PDE4B: variants seen among roughly 807,000 people sequenced by gnomAD.
PDE4B encodes phosphodiesterase 4B.
A neutral mutation model predicts 82.2 loss-of-function variants in PDE4B; 20 were observed. The observed-to-expected ratio is 0.24, with a 90% confidence interval of 0.17 to 0.35. The LOEUF (loss-of-function observed/expected upper bound fraction) is 0.35. PDE4B is among the 10% of genes least tolerant of loss of function. The pLI is 1.00. For missense variants in PDE4B, 655 were observed against 907.2 expected (o/e 0.72, Z 3.57); for synonymous variants, 320 against 318.9 (o/e 1.00, Z -0.04).
chr1:66,061,900 G>A (rs750449567), intron 3 of PDE4B, among the ~76,000 whole-genome samples: 23 of 152,134 alleles, frequency 1.5e-4, no homozygotes, highest in Admixed American at 8.5e-4. Flanking sequence ...TTCTGCACAT[G>A]TATCCTAGAA....
At chr1:65,893,573 G>A (rs1646876007) in intron 1 of PDE4B, among the ~76,000 whole-genome samples, 1 of 152,074 alleles carries the variant, frequency 6.6e-6, no homozygotes, top group African/African-American at 2.4e-5. Context: ...AACCACCATG[G>A]AAGACAGTAT....
chr1:65,834,121 T>C (rs369678136), intron 1 of PDE4B, among the ~76,000 whole-genome samples: 12 of 152,320 alleles, frequency 7.9e-5, no homozygotes, highest in Non-Finnish European at 1.3e-4. Flanking sequence ...CTCAGCTCAC[T>C]GCAACCTCCG....
At chr1:66,275,327 G>A (rs1370788525) in intron 7 of PDE4B, among the ~76,000 whole-genome samples, 1 of 152,180 alleles carries the variant, frequency 6.6e-6, no homozygotes, top group African/African-American at 2.4e-5. Context: ...AACCCAGGAA[G>A]CTTAGCAGGG....
intron 3 of PDE4B, among the ~76,000 whole-genome samples, chr1:66,153,802 A>G (rs998230988): frequency 6.6e-6 from 1 of 152,186 alleles, no homozygotes; most frequent in Non-Finnish European, 1.5e-5. Flanking sequence ...CAGACCAGAC[A>G]GCAGGCTTGT....
chr1:65,937,844 C>T (rs765180989), intron 3 of PDE4B, among the ~76,000 whole-genome samples: 3 of 152,022 alleles, frequency 2.0e-5, no homozygotes, highest in Non-Finnish European at 4.4e-5. Context: ...TAGATTCTGG[C>T]CTATATAGCT....
intron 3 of PDE4B, among the ~76,000 whole-genome samples, chr1:66,041,815 CACACACACACACAT>C (rs1053089351): frequency 2.7e-5 from 2 of 74,980 alleles, no homozygotes; most frequent in African/African-American, 4.8e-5. Flanking sequence ...CACACACACA[CACACACACACACAT>C]ACACACACAC....
chr1:65,963,809 T>G (rs562778462), intron 3 of PDE4B, among the ~76,000 whole-genome samples: 1 of 152,292 alleles, frequency 6.6e-6, no homozygotes, highest in South Asian at 2.1e-4. Context: ...GAATCATCCA[T>G]CCTGTTTTAG....
Position 65,809,493 on chromosome 1 carries a change from G to A in PDE4B, c.-71+16245G>A, listed in dbSNP as rs796284281. Among the ~76,000 whole-genome samples the A allele has an allele frequency of 2.2e-4, 34 of 152,122 alleles. 1 individual carries two copies. The highest frequency in any genetic ancestry group is 8.2e-4 in the African/African-American group (34 of 41,474). On this transcript the variant is annotated intron_variant, in intron 1 of 16. Coordinates refer to ENST00000341517, the MANE Select transcript of PDE4B (RefSeq NM_002600.4). ...CACTCATTAAGCCATTTAGACTAGT[G>A]AAGTTATATGTGTTATATTTTATAT...
At chr1:66,349,618 C>G (rs894343739) in intron 8 of PDE4B, among the ~76,000 whole-genome samples, 3 of 152,128 alleles carry the variant, frequency 2.0e-5, no homozygotes, top group African/African-American at 7.2e-5. Context: ...CAACTCAATT[C>G]AATTGCACTT....
intron 4 of PDE4B, among the ~76,000 whole-genome samples, chr1:66,254,354 T>C (rs1182297547): frequency 6.6e-6 from 1 of 152,240 alleles, no homozygotes; most frequent in Non-Finnish European, 1.5e-5. Flanking sequence ...CAGTTTCTGA[T>C]ACAGTTCACC....
intron 9 of PDE4B, among the ~76,000 whole-genome samples, chr1:66,361,204 AAT>A (rs1226496211): frequency 6.6e-6 from 1 of 152,140 alleles, no homozygotes; most frequent in African/African-American, 2.4e-5. Context: ...ATTATACAAA[AAT>A]ATGTTAATCC....
chr1:66,266,235 A>C (rs1044555413), intron 7 of PDE4B, 148 bp downstream of exon 7: 2 of 685,292 alleles, frequency 2.9e-6, no homozygotes, highest in Non-Finnish European at 5.3e-6. Context: ...TCTAAGGTAC[A>C]CTGGAGCATT....
intron 7 of PDE4B, among the ~76,000 whole-genome samples, chr1:66,289,576 G>A (rs866891533): frequency 1.5e-4 from 23 of 152,022 alleles, no homozygotes; most frequent in Non-Finnish European, 2.4e-4. Context: ...GGAGTGAGTG[G>A]TGAAAAATGG....
intron 3 of PDE4B, among the ~76,000 whole-genome samples, chr1:66,242,506 G>A (rs983101256): frequency 2.6e-5 from 4 of 152,150 alleles, no homozygotes; most frequent in South Asian, 2.1e-4. Flanking sequence ...ACTAAGTTGC[G>A]AAAGAAAAAT....
intron 3 of PDE4B, among the ~76,000 whole-genome samples, chr1:66,029,376 A>G (rs1653632565): frequency 6.6e-6 from 1 of 152,220 alleles, no homozygotes; most frequent in Non-Finnish European, 1.5e-5. Flanking sequence ...GGGTGGGGAC[A>G]CAGCCAAACC....
Position 65,972,262 on chromosome 1 carries a change from A to G in PDE4B, c.281+53427A>G, listed in dbSNP as rs537910848. ...GAATCAGTTTGCCATTTAGACACTC[A>G]GTCCCCCAAAAGGCCGGGAGAATAT... On this transcript the variant is annotated intron_variant, in intron 3 of 16. Coordinates refer to ENST00000341517, the MANE Select transcript of PDE4B (RefSeq NM_002600.4). Among the ~76,000 whole-genome samples the G allele has an allele frequency of 8.6e-4, 131 of 152,308 alleles. 3 individuals carry two copies. In the South Asian group the frequency reaches 0.027, roughly 31 times the overall value.
At chr1:66,363,751 T>TGGGGGGGG (rs1663007604) in intron 12 of PDE4B, among the ~76,000 whole-genome samples, 180 bp downstream of exon 12, 1 of 152,086 alleles carries the variant, frequency 6.6e-6, no homozygotes, top group African/African-American at 2.4e-5. Context: ...GACTCCCGCT[T>TGGGGGGGG]GGGCAACCCT....
intron 8 of PDE4B, among the ~76,000 whole-genome samples, chr1:66,346,417 C>T (rs17128817): frequency 0.022 from 3,359 of 152,248 alleles, 131 homozygotes; most frequent in African/African-American, 0.077. Context: ...GGATAGTTAC[C>T]AACAGCTGGA....
chr1:66,234,692 T>C (rs1471944473), intron 3 of PDE4B, among the ~76,000 whole-genome samples: 2 of 152,170 alleles, frequency 1.3e-5, no homozygotes, highest in African/African-American at 4.8e-5. Context: ...CTCTTCTTTT[T>C]TTTTCCTGGT....
Sources: allele counts gnomAD v4.1 joint callset (sites outside exome capture counted in the v4.1 genomes callset), GRCh38; gene constraint gnomAD v4.1.1; transcripts MANE v1.5; gene names NCBI Gene and HGNC (gene_info 2026-07-23, HGNC 2026-07-21).